Variants in NSUN3 observed in about 807,000 individuals in gnomAD.
The protein encoded by NSUN3 is tRNA (cytosine(34)-C(5))-methyltransferase, mitochondrial.
A neutral mutation model predicts 36.8 loss-of-function variants in NSUN3; 24 were observed. That is an observed-to-expected ratio of 0.65 (90% confidence interval 0.47 to 0.92). The LOEUF is 0.92. NSUN3 is among the 40% of genes least tolerant of loss of function. The pLI, the probability that NSUN3 is intolerant of heterozygous loss-of-function variation, is 0.00. For synonymous variants in NSUN3, 146 were observed against 145.2 expected (o/e 1.01, Z -0.04); for missense variants, 381 against 392.8 (o/e 0.97, Z 0.25).
rs2077495771 is a variant in NSUN3 at position 94,128,306 on chromosome 3, C to A, written c.*1816C>A. The A allele has an allele frequency of 6.6e-6, 1 of 151,854 alleles. No individual in the cohort carries two copies. Among genetic ancestry groups the A allele is most frequent in the African/African-American group, 2.4e-5 (1 of 41,350 alleles). 9.4% of individuals were successfully genotyped at this position (151,854 alleles called of 1,614,324 possible). A position where few individuals can be genotyped will look rare whatever the true frequency, so the allele number is the denominator to read the frequency against. ...ACCAAATCAAGTATATGGGTAAATA[C>A]AGAAGAATAATGATGGTGGAAAAGA... is the stretch of plus-strand genomic sequence containing the variant. On this transcript the variant is annotated 3_prime_UTR_variant, in exon 6 of 6. Coordinates refer to ENST00000314622, the MANE Select transcript of NSUN3 (RefSeq NM_022072.5).
In NSUN3 at chr3:94,127,284, A is replaced by G. The variant is rs1576105973; in HGVS notation, c.*794A>G. On this transcript the variant is annotated 3_prime_UTR_variant, in exon 6 of 6. Coordinates refer to ENST00000314622, the MANE Select transcript of NSUN3 (RefSeq NM_022072.5). ...GATTAATAACTGCAATCACTGAACT[A>G]TATTTGGAGAGTTTTGTTACATAAT... 1 of 152,222 alleles carries G rather than the reference A, an allele frequency of 6.6e-6. No homozygotes were observed. The highest frequency in any genetic ancestry group is 6.5e-5 in the Admixed American group (1 of 15,288). 9.4% of individuals were successfully genotyped at this position (152,222 alleles called of 1,614,324 possible).
At chr3:94,114,393 C>T (rs1158405076) in intron 5 of NSUN3, among the ~76,000 whole-genome samples, 1 of 152,070 alleles carries the variant, frequency 6.6e-6, no homozygotes, top group Non-Finnish European at 1.5e-5. Flanking sequence ...GACTATTTAC[C>T]TTGTACATCT....
At chr3:94,111,362 C>T (rs1317153668) in intron 5 of NSUN3, among the ~76,000 whole-genome samples, 1 of 152,052 alleles carries the variant, frequency 6.6e-6, no homozygotes, top group Non-Finnish European at 1.5e-5. Flanking sequence ...AAACTCTGTA[C>T]ACTTAGGCTA....
intron 5 of NSUN3, among the ~76,000 whole-genome samples, chr3:94,124,262 C>G (rs562898990): frequency 2.7e-5 from 4 of 147,322 alleles, no homozygotes; most frequent in African/African-American, 7.5e-5. Context: ...AAGTGATTCT[C>G]CTACCTCATC....
At chr3:94,108,699 C>T (rs1481138843) in intron 5 of NSUN3, among the ~76,000 whole-genome samples, 1 of 150,120 alleles carries the variant, frequency 6.7e-6, no homozygotes, top group Non-Finnish European at 1.5e-5. Context: ...TGCTCTGTTG[C>T]CCAGGCTGGA....
At chr3:94,089,452 A>G (rs1361302829) in intron 3 of NSUN3, among the ~76,000 whole-genome samples, 3 of 152,228 alleles carry the variant, frequency 2.0e-5, no homozygotes, top group African/African-American at 7.2e-5. Flanking sequence ...TCAGCTTCCA[A>G]TAAAATCTCA....
chr3:94,113,024 C>T (rs2077424331), intron 5 of NSUN3, among the ~76,000 whole-genome samples: 1 of 151,994 alleles, frequency 6.6e-6, no homozygotes, highest in Admixed American at 6.6e-5. Flanking sequence ...GCCACCATGC[C>T]CGGCTAATTT....
At chr3:94,107,245 C>A (rs1057025103) in intron 5 of NSUN3, among the ~76,000 whole-genome samples, 8 of 151,996 alleles carry the variant, frequency 5.3e-5, no homozygotes, top group East Asian at 3.9e-4. Context: ...TAAAATATTT[C>A]TATTGCTGTA....
At chr3:94,093,498 G>A (rs996590220) in intron 3 of NSUN3, among the ~76,000 whole-genome samples, 3 of 152,104 alleles carry the variant, frequency 2.0e-5, no homozygotes, top group Admixed American at 6.5e-5. Context: ...TGATAAAGAT[G>A]ACCCTGATTG....
chr3:94,069,670 T>TTA (rs1249059246), intron 2 of NSUN3, among the ~76,000 whole-genome samples: 22 of 152,228 alleles, frequency 1.4e-4, no homozygotes, highest in Non-Finnish European at 3.1e-4. Context: ...AAATGATACA[T>TTA]TATACAGTTT....
Position 94,063,100 on chromosome 3 carries a change from T to C in NSUN3, c.-27T>C. On this transcript the variant is annotated 5_prime_UTR_variant, in exon 1 of 6. Transcript: ENST00000314622. ...TTTTTGATACTGATTCGCGTACACC[T>C]GTTGTTTGAAAGCTCTCAGCGGGAC... 6.2e-7 allele frequency: 1 copy of C among 1,613,972 alleles called. No individual in the cohort carries two copies. Among genetic ancestry groups the C allele is most frequent in the Non-Finnish European group, 8.5e-7 (1 of 1,179,908 alleles).
intron 2 of NSUN3, among the ~76,000 whole-genome samples, chr3:94,074,859 G>A (rs1399943179): frequency 6.6e-6 from 1 of 152,136 alleles, no homozygotes; most frequent in Non-Finnish European, 1.5e-5. Context: ...GGAGTAGTGA[G>A]AGAGGGCATT....
chr3:94,109,485 C>T (rs1469821108), intron 5 of NSUN3, among the ~76,000 whole-genome samples: 5 of 152,112 alleles, frequency 3.3e-5, no homozygotes, highest in Admixed American at 6.6e-5. Context: ...TGTTTTATTG[C>T]GTCACTGCTT....
chr3:94,076,903 A>G, intron 2 of NSUN3: 1 of 1,381,348 alleles, frequency 7.2e-7, no homozygotes, highest in African/African-American at 1.4e-5. Flanking sequence ...CAAAATGAGC[A>G]TCATCATTAG....
In NSUN3 at chr3:94,126,225, C is replaced by T. The variant is rs1188316611; in HGVS notation, c.758C>T (p.Ala253Val). 6.2e-7 allele frequency: 1 copy of T among 1,612,316 alleles called. No individual in the cohort carries two copies. Among genetic ancestry groups the T allele is most frequent in the Admixed American group, 1.7e-5 (1 of 59,938 alleles). The change falls in exon 6 of 6, where the codon GCC (alanine) becomes GTC (valine). Residue 253 changes from alanine (A) to valine (V), a missense_variant. Coordinates refer to ENST00000314622, the MANE Select transcript of NSUN3 (RefSeq NM_022072.5). ...ATTGCACACAGGTCTGCAATTAAGGCCTTACGTCCTGGAGGGATACTTGTA... is the reference window on the plus strand; with the variant it reads ...ATTGCACACAGGTCTGCAATTAAGGTCTTACGTCCTGGAGGGATACTTGTA... ...QIELLRSAIK[A>V]LRPGGILVYS...
chr3:94,075,863 G>T, intron 2 of NSUN3: 1 of 1,170,548 alleles, frequency 8.5e-7, no homozygotes, highest in Non-Finnish European at 1.3e-6. Context: ...TCAGGGTTGA[G>T]AAGAAAAAAA....
At position 94,094,188 on chromosome 3, in the gene NSUN3, G is replaced by A; in HGVS notation, c.515G>A (p.Arg172Lys). Residue 172 changes from arginine to lysine, a missense_variant, in exon 4 of 6, where the codon AGG becomes AAG. Physicochemically the swap from Arg to Lys is conservative, Grantham distance 26 (BLOSUM62 2). Transcript: ENST00000314622. Reference sequence around the variant, plus strand: ...GATAGTCTGAGATTGAGGTGGCTAAGGCAGACGTTGGAATCTTTCATCCCA... The same window carrying A: ...GATAGTCTGAGATTGAGGTGGCTAAAGCAGACGTTGGAATCTTTCATCCCA... ...EYDSLRLRWLRQTLESFIPQP... is the reference protein window; with the variant it reads ...EYDSLRLRWLKQTLESFIPQP... The A allele has an allele frequency of 1.2e-6, 2 of 1,613,220 alleles. No homozygotes were observed. The highest frequency in any genetic ancestry group is 1.7e-6 in the Non-Finnish European group (2 of 1,179,462).
intron 2 of NSUN3, chr3:94,076,441 AACTG>A (rs1483581117): frequency 1.0e-5 from 8 of 789,962 alleles, no homozygotes; most frequent in African/African-American, 1.7e-5. Context: ...GATGATCAGC[AACTG>A]ACCCAAACAG....
chr3:94,076,166 C>A (rs546117758), intron 2 of NSUN3: 3 of 1,126,524 alleles, frequency 2.7e-6, no homozygotes, highest in African/African-American at 1.5e-5. Flanking sequence ...ATTCAGTCTG[C>A]GATCAGTACC....
Sources: allele counts gnomAD v4.1 joint callset (sites outside exome capture counted in the v4.1 genomes callset), GRCh38; gene constraint gnomAD v4.1.1; transcripts MANE v1.5; gene names NCBI Gene and HGNC (gene_info 2026-07-23, HGNC 2026-07-21).